Variants in DMD observed in about 807,000 individuals in gnomAD.
The protein encoded by DMD is dystrophin.
In DMD, 63 loss-of-function variants were observed where a neutral mutation model predicts 330.1. The ratio of observed to expected loss-of-function variants is 0.19; its 90% confidence interval spans 0.16 to 0.24. DMD has a LOEUF of 0.24. DMD is among the 10% of genes least tolerant of loss of function. The probability of loss-of-function intolerance (pLI) is 1.00; values close to 1 mark genes in which losing one functional copy is unlikely to be tolerated. For missense variants in DMD, 3,344 were observed against 2,684.1 expected, an observed-to-expected ratio of 1.25 and a Z score of -5.43; for synonymous variants, 1,223 against 959.8, an observed-to-expected ratio of 1.27 and a Z score of -5.07.
intron 54 of DMD, among the ~76,000 whole-genome samples, chrX:31,639,602 T>C (rs2079611927): frequency 8.9e-6 from 1 of 112,024 alleles, no homozygotes; most frequent in Non-Finnish European, 1.9e-5. Flanking sequence ...TACAACACAA[T>C]GGTGTCATTC....
chrX:31,689,545 C>G (rs1185268394), intron 52 of DMD, among the ~76,000 whole-genome samples: 2 of 111,424 alleles, frequency 1.8e-5, no homozygotes, highest in Non-Finnish European at 3.8e-5. Context: ...CCATACTGCC[C>G]AAGGAAATTT....
In DMD at chrX:32,389,820, A is replaced by T; in HGVS notation, c.4345-146T>A. 5.0e-6 allele frequency: 3 copies of T among 596,336 alleles called. No homozygotes were observed. In the South Asian group the frequency reaches 8.5e-5, roughly 17 times the overall value. The allele number at this position is 596,336 out of a possible 1,213,427, so 49.1% of individuals were successfully genotyped here. A position where few individuals can be genotyped will look rare whatever the true frequency, so the allele number is the denominator to read the frequency against. On this transcript the variant is annotated intron_variant, in intron 31 of 78. Coordinates refer to ENST00000357033, the MANE Select transcript of DMD (RefSeq NM_004006.3). ...AAAGCAGTATTTTTCCATTCATCCA[A>T]CACAGGAAAACATACATTTGGGAGA...
At chrX:31,783,987 G>A (rs2091162362) in intron 50 of DMD, among the ~76,000 whole-genome samples, 1 of 111,867 alleles carries the variant, frequency 8.9e-6, no homozygotes, top group African/African-American at 3.2e-5. Context: ...TGTGGATAGG[G>A]AAAACATGAT....
At chrX:32,394,494 A>T (rs904539785) in intron 30 of DMD, among the ~76,000 whole-genome samples, 1 of 112,137 alleles carries the variant, frequency 8.9e-6, no homozygotes, top group African/African-American at 3.2e-5. Flanking sequence ...AGTCAACTAC[A>T]TTGGTTTTGG....
In DMD at chrX:31,627,750, C is replaced by T. The variant is rs1231632354; in HGVS notation, c.8140G>A (p.Val2714Ile). 2 of 1,209,495 alleles carry T rather than the reference C, an allele frequency of 1.7e-6. No homozygotes were observed. The highest frequency in any genetic ancestry group is 2.2e-6 in the Non-Finnish European group (2 of 895,052). ...WLTEAETTAN[V>I]LQDATRKERL... is the part of the protein sequence containing the mutation. ...TCCTTACGGGTAGCATCCTGTAGGA[C>T]ATTGGCAGTTGTTTCAGCTTCTGTA... Residue 2714 changes from valine (V) to isoleucine (I), a missense_variant, in exon 55 of 79, where the codon GTC (valine) becomes ATC (isoleucine). Physicochemically the swap from Val to Ile is conservative, Grantham distance 29. Coordinates refer to ENST00000357033, the MANE Select transcript of DMD (RefSeq NM_004006.3).
chrX:31,962,904 G>A (rs73449903), intron 45 of DMD, among the ~76,000 whole-genome samples: 3,032 of 111,450 alleles, frequency 0.027, 103 homozygotes, highest in African/African-American at 0.093. Flanking sequence ...TGGTTCACAC[G>A]GATATACTGG....
rs192038818 is a variant in DMD at position 31,204,407 on chromosome X, T to A, written c.9650-289A>T. On this transcript the variant is annotated intron_variant, in intron 66 of 78. Transcript: ENST00000357033. ...CTTAAATTTCTTCTAAGCCAGAACA[T>A]AATCCTTGGGAATTATTGTATATAG... 3.5e-5 allele frequency among the ~76,000 whole-genome samples: 4 copies of A among 112,763 alleles called. No homozygotes were observed. In the East Asian group the frequency reaches 1.1e-3, roughly 31 times the overall value.
chrX:31,702,992 T>A (rs762822021), intron 52 of DMD, among the ~76,000 whole-genome samples: 1 of 109,600 alleles, frequency 9.1e-6, no homozygotes, highest in East Asian at 2.9e-4. Flanking sequence ...GTAGCTGGGA[T>A]TACAGGCATG....
At chrX:32,249,485 G>A (rs943814180) in intron 43 of DMD, among the ~76,000 whole-genome samples, 1 of 111,809 alleles carries the variant, frequency 8.9e-6, no homozygotes. Flanking sequence ...AAGAGACCAG[G>A]ATACACTGAC....
At chrX:32,755,787 AT>A (rs974683737) in intron 7 of DMD, among the ~76,000 whole-genome samples, 1 of 112,066 alleles carries the variant, frequency 8.9e-6, no homozygotes, top group African/African-American at 3.2e-5. Context: ...GATCAAGAAA[AT>A]GGTTGTGTAT....
intron 1 of DMD, among the ~76,000 whole-genome samples, chrX:33,286,609 C>G (rs1465157551): frequency 8.9e-6 from 1 of 112,083 alleles, no homozygotes; most frequent in African/African-American, 3.2e-5. Flanking sequence ...ACATACATTC[C>G]TATATCCATA....
At chrX:32,042,026 CATATATATATATATATATATATAT>C (rs57983190) in intron 44 of DMD, among the ~76,000 whole-genome samples, 5 of 40,463 alleles carry the variant, frequency 1.2e-4, no homozygotes, top group East Asian at 8.9e-4. Flanking sequence ...TCTCTCTGTT[CATATATATATATATATATATATAT>C]ATATATATAT....
chrX:32,778,344 G>A (rs2074379905), intron 7 of DMD, among the ~76,000 whole-genome samples: 1 of 110,031 alleles, frequency 9.1e-6, no homozygotes, highest in African/African-American at 3.3e-5. Context: ...ATAGAAATGA[G>A]CACTGCTGGA....
At chrX:32,120,596 C>T (rs1014875772) in intron 44 of DMD, among the ~76,000 whole-genome samples, 1 of 111,867 alleles carries the variant, frequency 8.9e-6, no homozygotes, top group Non-Finnish European at 1.9e-5. Context: ...TCAACACATT[C>T]GTGAGCATAA....
At chrX:31,346,302 AG>A (rs1329731257) in intron 61 of DMD, among the ~76,000 whole-genome samples, 3 of 91,969 alleles carry the variant, frequency 3.3e-5, no homozygotes, top group African/African-American at 1.3e-4. Context: ...ACCTACCTTA[AG>A]GGATTGAAGG....
chrX:33,301,901 G>T (rs762631209), intron 1 of DMD, among the ~76,000 whole-genome samples: 1 of 111,684 alleles, frequency 9.0e-6, no homozygotes, highest in Non-Finnish European at 1.9e-5. Context: ...GACACATTCA[G>T]ATCATAGCAG....
At chrX:32,900,369 C>T (rs930506432) in intron 2 of DMD, among the ~76,000 whole-genome samples, 4 of 110,968 alleles carry the variant, frequency 3.6e-5, no homozygotes, top group African/African-American at 1.3e-4. Flanking sequence ...AGAGAAGGGC[C>T]CTCACTCTGT....
At chrX:31,723,623 A>AAC (rs55718177) in intron 52 of DMD, among the ~76,000 whole-genome samples, 7,257 of 77,540 alleles carry the variant, frequency 0.094, 454 homozygotes, top group Admixed American at 0.25. Context: ...TATCCTCCAC[A>AAC]ACACACACAC....
intron 37 of DMD, among the ~76,000 whole-genome samples, chrX:32,349,595 C>A (rs908511335): frequency 2.7e-5 from 3 of 111,394 alleles, no homozygotes; most frequent in African/African-American, 9.7e-5. Context: ...TATTAGATGG[C>A]AACTTCTGGT....
Sources: allele counts gnomAD v4.1 joint callset (sites outside exome capture counted in the v4.1 genomes callset), GRCh38; gene constraint gnomAD v4.1.1; transcripts MANE v1.5; gene names NCBI Gene and HGNC (gene_info 2026-07-23, HGNC 2026-07-21).